The following ASB16 variants were observed in gnomAD, a reference collection of about 807,000 sequenced individuals.
ASB16 encodes ankyrin repeat and SOCS box containing 16, also known as ankyrin repeat and SOCS box protein 16.
A neutral mutation model predicts 39.1 loss-of-function variants in ASB16; 44 were observed. That is an observed-to-expected ratio of 1.13 (90% CI 0.88 to 1.45). The LOEUF (loss-of-function observed/expected upper bound fraction) is 1.45, where lower values mean the gene tolerates loss of function less well. Among genes scored for constraint, ASB16 ranks in the 40% most tolerant of loss-of-function variants. The pLI is 0.00. For missense variants in ASB16, 698 were observed against 634.5 expected (o/e 1.10, Z -1.07); for synonymous variants, 305 against 286.7 (o/e 1.06, Z -0.64).
Position 44,170,843 on chromosome 17 carries a change from G to A in ASB16, c.54G>A (p.Leu18=). 1.2e-6 allele frequency: 2 copies of A among 1,611,660 alleles called. No homozygotes were observed. Among genetic ancestry groups the A allele is most frequent in the Non-Finnish European group, 1.7e-6 (2 of 1,179,492 alleles). The change falls in exon 1 of 5, where the codon CTG becomes CTA. Residue 18 remains leucine (L), a synonymous_variant. Transcript: ENST00000293414. ...CCTCCATGCTGCGCTCTCTCCGCCT[G>A]CAGCAGGAGTGGCTGGAATGGGAGG... ...FTSSMLRSLR[L]QQEWLEWEDR... is the part of the protein sequence containing the mutation.
chr17:44,176,388 C>T (rs952810518), intron 2 of ASB16: 2 of 307,162 alleles, frequency 6.5e-6, no homozygotes, highest in Non-Finnish European at 1.2e-5. Context: ...AGACAACTGA[C>T]AACTGAATGA....
At chr17:44,174,270 C>T (rs1208888172) in intron 2 of ASB16, among the ~76,000 whole-genome samples, 1 of 152,080 alleles carries the variant, frequency 6.6e-6, no homozygotes, top group Admixed American at 6.6e-5. Flanking sequence ...TGGTCTTGAT[C>T]TCCTGACCTC....
In ASB16 at chr17:44,176,821, C is replaced by A; in HGVS notation, c.653C>A (p.Ala218Glu). Reference protein sequence around the residue: ...ESQETPLHVAAARGLEQHVAL... With the variant: ...ESQETPLHVAEARGLEQHVAL... ...CAGGAGACGCCCCTGCACGTGGCGG[C>A]GGCGCGCGGCCTGGAGCAACATGTG... Residue 218 changes from alanine to glutamate, a missense_variant, in exon 3 of 5, where the codon GCG (alanine) becomes GAG (glutamate). Coordinates refer to ENST00000293414, the MANE Select transcript of ASB16 (RefSeq NM_080863.5). 1 of 1,612,292 alleles carries A rather than the reference C, an allele frequency of 6.2e-7. No individual in the cohort carries two copies. Among genetic ancestry groups the A allele is most frequent in the Non-Finnish European group, 8.5e-7 (1 of 1,179,204 alleles).
chr17:44,174,141 G>A (rs1432319183), intron 2 of ASB16, among the ~76,000 whole-genome samples: 2 of 146,236 alleles, frequency 1.4e-5, no homozygotes, highest in Non-Finnish European at 3.0e-5. Flanking sequence ...CCGGGTTCCC[G>A]CCATTCTCCT....
Position 44,177,031 on chromosome 17 carries a change from T to G in ASB16, c.863T>G (p.Leu288Arg). 6.7e-7 allele frequency: 1 copy of G among 1,491,296 alleles called. No homozygotes were observed. The highest frequency in any genetic ancestry group is 1.3e-5 in the South Asian group (1 of 78,954). The allele number at this position is 1,491,296 out of a possible 1,614,324, so 92.4% of individuals were successfully genotyped here. The change falls in exon 3 of 5, where the codon CTG becomes CGG. Residue 288 changes from leucine to arginine, a missense_variant. Transcript: ENST00000293414. ...GCCGGGCGCAAGCGCCACACGCCGC[T>G]GCACAACGCTTGTGCCAACGGCTGC... ...RAAGRKRHTP[L>R]HNACANGCGG...
chr17:44,177,192 G>A lies in ASB16; in HGVS notation c.1024G>A (p.Ala342Thr), dbSNP rs982026357. The A allele has an allele frequency of 3.9e-6, 6 of 1,538,690 alleles. No individual in the cohort carries two copies. The highest frequency in any genetic ancestry group is 2.3e-4 in the Middle Eastern group (1 of 4,424). The change falls in exon 3 of 5, where the codon GCA becomes ACA. Residue 342 changes from alanine (A) to threonine (T), a missense_variant. Coordinates refer to ENST00000293414, the MANE Select transcript of ASB16 (RefSeq NM_080863.5). ...PNWEPEVLFA[A>T]LLDYGAQPVR... ...CTGGGAGCCTGAAGTCCTTTTCGCC[G>A]CACTGCTGGACTACGGGGCGCAGCC...
chr17:44,176,653 T>C, intron 2 of ASB16, 85 bp from the exon 3 acceptor site: 1 of 1,601,266 alleles, frequency 6.2e-7, no homozygotes. Context: ...CTGAGAGGGG[T>C]GGAAAGGCAA....
At position 44,177,651 on chromosome 17, in the gene ASB16, C is replaced by T. The variant is rs775804321; in HGVS notation, c.1105C>T (p.Leu369=). ...CAACTTCCCTCGGGCCCTGGAAGTC[C>T]TGCTTAATGCCTATCCTTGTGTCCC... ...CANFPRALEV[L]LNAYPCVPSC... is the part of the protein sequence containing the mutation. The change falls in exon 4 of 5, where the codon CTG becomes TTG. Residue 369 remains leucine (L), a synonymous_variant. Coordinates refer to ENST00000293414, the MANE Select transcript of ASB16 (RefSeq NM_080863.5). 5.0e-6 allele frequency: 8 copies of T among 1,613,918 alleles called. No individual in the cohort carries two copies. The Admixed American group carries it at 5.0e-5, about 10-fold the overall frequency.
Position 44,170,816 on chromosome 17 carries a change from C to T in ASB16, c.27C>T (p.Thr9=). ...TGGCAAGAGAGACCTTCCCCTTCAC[C>T]TCCTCCATGCTGCGCTCTCTCCGCC... is the stretch of plus-strand genomic sequence containing the variant. MARETFPF[T]SSMLRSLRLQ... is the part of the protein sequence containing the mutation. Residue 9 remains threonine, a synonymous_variant, in exon 1 of 5, where the codon ACC becomes ACT. Transcript: ENST00000293414. 6.2e-7 allele frequency: 1 copy of T among 1,606,750 alleles called. No individual in the cohort carries two copies. The highest frequency in any genetic ancestry group is 8.5e-7 in the Non-Finnish European group (1 of 1,176,532).
In ASB16 at chr17:44,178,426, C is replaced by T. The variant is rs763489064; in HGVS notation, c.*36C>T. 2.6e-6 allele frequency: 4 copies of T among 1,526,604 alleles called. No homozygotes were observed. The highest frequency in any genetic ancestry group is 1.2e-5 in the South Asian group (1 of 81,966). 94.6% of individuals were successfully genotyped at this position (1,526,604 alleles called of 1,614,324 possible). A position where few individuals can be genotyped will look rare whatever the true frequency, so the allele number is the denominator to read the frequency against. On this transcript the variant is annotated 3_prime_UTR_variant, in exon 5 of 5. Transcript: ENST00000293414. ...AGGCTGTCCCATGGTGTGTTCTGCCCCTCCCACCTGTCCCCGCCTCCAACT... is the reference window on the plus strand; with the variant it reads ...AGGCTGTCCCATGGTGTGTTCTGCCTCTCCCACCTGTCCCCGCCTCCAACT...
chr17:44,173,747 G>A (rs1369403092), intron 2 of ASB16, among the ~76,000 whole-genome samples: 1 of 152,122 alleles, frequency 6.6e-6, no homozygotes, highest in Non-Finnish European at 1.5e-5. Flanking sequence ...AGAGGTCTAG[G>A]CTTCAGTGAG....
intron 2 of ASB16, among the ~76,000 whole-genome samples, chr17:44,175,665 TAA>T (rs1395123923): frequency 6.6e-6 from 1 of 152,196 alleles, no homozygotes; most frequent in Non-Finnish European, 1.5e-5. Flanking sequence ...TTTTTAATTA[TAA>T]GTTACTGTTA....
Position 44,171,035 on chromosome 17 carries a change from CG to C in ASB16, c.247del (p.Ala83ProfsTer3). On this transcript the variant is annotated frameshift_variant, in exon 1 of 5. Transcript: ENST00000293414. LOFTEE classifies it high-confidence loss of function. ...AAGCCCTGTTCCAAGATGAAGAGGC[CG>C]CCAACATGATTGTGGAGACTGTGAG... ...VQALFQDEEA[A>X]NMIVETVSNQ... The C allele has an allele frequency of 6.2e-7, 1 of 1,614,032 alleles. No individual in the cohort carries two copies. Among genetic ancestry groups the C allele is most frequent in the Non-Finnish European group, 8.5e-7 (1 of 1,180,030 alleles).
intron 2 of ASB16, 111 bp downstream of exon 2, chr17:44,172,424 A>T (rs1281471246): frequency 1.6e-6 from 2 of 1,265,468 alleles, no homozygotes; most frequent in African/African-American, 2.9e-5. Flanking sequence ...TGGTTCATAA[A>T]GCACCGCATA....
At chr17:44,174,269 T>G (rs1273189321) in intron 2 of ASB16, among the ~76,000 whole-genome samples, 1 of 151,936 alleles carries the variant, frequency 6.6e-6, no homozygotes, top group African/African-American at 2.4e-5. Flanking sequence ...ATGGTCTTGA[T>G]CTCCTGACCT....
At chr17:44,175,488 G>A (rs1181232688) in intron 2 of ASB16, among the ~76,000 whole-genome samples, 1 of 150,418 alleles carries the variant, frequency 6.6e-6, no homozygotes, top group Non-Finnish European at 1.5e-5. Flanking sequence ...AGATAATTCA[G>A]TAGCTTATGG....
At position 44,170,710 on chromosome 17, in the gene ASB16, C is replaced by G; in HGVS notation, c.-80C>G. ...TCACGGTGGCGGGGGCAGGGTGGCT[C>G]CTCAGAGCAAGGGAGGTAGTCGGGT... On this transcript the variant is annotated 5_prime_UTR_variant, in exon 1 of 5. Transcript: ENST00000293414. 4 of 1,462,378 alleles carry G rather than the reference C, an allele frequency of 2.7e-6. No homozygotes were observed. The highest frequency in any genetic ancestry group is 3.7e-6 in the Non-Finnish European group (4 of 1,085,922). The allele number at this position is 1,462,378 out of a possible 1,614,324, so 90.6% of individuals were successfully genotyped here.
intron 4 of ASB16, 127 bp from the exon 5 acceptor site, chr17:44,178,078 C>CT: frequency 2.0e-6 from 2 of 980,990 alleles, no homozygotes; most frequent in Non-Finnish European, 3.1e-6. Flanking sequence ...GGTTCTGAAT[C>CT]TGAGTCCTTT....
At chr17:44,174,992 C>T (rs973420619) in intron 2 of ASB16, among the ~76,000 whole-genome samples, 4 of 151,508 alleles carry the variant, frequency 2.6e-5, no homozygotes, top group African/African-American at 7.3e-5. Flanking sequence ...GTCCCAGCTA[C>T]TCAGGAGGCT....
Sources: allele counts gnomAD v4.1 joint callset (sites outside exome capture counted in the v4.1 genomes callset), GRCh38; gene constraint gnomAD v4.1.1; transcripts MANE v1.5; gene names NCBI Gene and HGNC (gene_info 2026-07-23, HGNC 2026-07-21).